OPCML: variants seen among roughly 807,000 people sequenced by gnomAD.
OPCML encodes the protein opioid-binding protein/cell adhesion molecule.
A neutral mutation model predicts 37.8 loss-of-function variants in OPCML; 13 were observed. The ratio of observed to expected loss-of-function variants is 0.34; its 90% CI spans 0.22 to 0.55. The LOEUF (loss-of-function observed/expected upper bound fraction) is 0.55, where lower values mean the gene tolerates loss of function less well. Ranked by LOEUF, OPCML falls within the 20% of genes least tolerant of loss-of-function variation. The probability of loss-of-function intolerance (pLI) is 0.91; values close to 1 mark genes in which losing one functional copy is unlikely to be tolerated. For missense variants in OPCML, 341 were observed against 435.6 expected, an observed-to-expected ratio of 0.78 and a Z score of 1.93; for synonymous variants, 176 against 168.8, an observed-to-expected ratio of 1.04 and a Z score of -0.33.
intron 1 of OPCML, among the ~76,000 whole-genome samples, chr11:133,291,733 C>A (rs1942480583): frequency 6.6e-6 from 1 of 152,242 alleles, no homozygotes; most frequent in Admixed American, 6.5e-5. Context: ...GCAGCCTGGG[C>A]ATCTGAGCAC....
At chr11:132,949,573 T>C (rs560826883) in intron 1 of OPCML, among the ~76,000 whole-genome samples, 2 of 152,332 alleles carry the variant, frequency 1.3e-5, no homozygotes, top group South Asian at 4.1e-4. Context: ...ATCTGCCTTA[T>C]AGTCTTTGAC....
intron 1 of OPCML, among the ~76,000 whole-genome samples, chr11:133,214,372 G>A (rs549344576): frequency 6.6e-6 from 1 of 152,220 alleles, no homozygotes; most frequent in South Asian, 2.1e-4. Context: ...TTATTTTAAT[G>A]TAGGTATAAT....
chr11:132,471,859 G>A (rs1273064650), intron 4 of OPCML, among the ~76,000 whole-genome samples: 2 of 152,136 alleles, frequency 1.3e-5, no homozygotes, highest in African/African-American at 4.8e-5. Context: ...CATTCAATGA[G>A]AACTCCAGCC....
chr11:132,525,731 G>A (rs969636939), intron 4 of OPCML: 3 of 152,202 alleles, frequency 2.0e-5, no homozygotes, highest in Non-Finnish European at 2.9e-5. Flanking sequence ...TAAGTTCTGG[G>A]ATACATGTGC....
intron 2 of OPCML, among the ~76,000 whole-genome samples, chr11:132,903,818 C>T (rs549391239): frequency 2.6e-5 from 4 of 152,142 alleles, no homozygotes; most frequent in Admixed American, 6.5e-5. Flanking sequence ...TACCTTCTCC[C>T]TCTGTTATTT....
chr11:132,476,402 G>C (rs1295409086), intron 4 of OPCML, among the ~76,000 whole-genome samples: 2 of 151,970 alleles, frequency 1.3e-5, no homozygotes, highest in African/African-American at 4.8e-5. Context: ...TATGTTTATT[G>C]CGGCACTATT....
intron 1 of OPCML, among the ~76,000 whole-genome samples, chr11:133,506,466 G>A (rs1364919899): frequency 1.3e-5 from 2 of 152,148 alleles, no homozygotes; most frequent in East Asian, 3.9e-4. Context: ...AAAGCTTCCA[G>A]CACAATATGT....
chr11:132,792,294 A>C (rs1937969510), intron 2 of OPCML, among the ~76,000 whole-genome samples: 1 of 151,562 alleles, frequency 6.6e-6, no homozygotes, highest in Non-Finnish European at 1.5e-5. Context: ...GCCAAAGAGA[A>C]AAAAAAAAGT....
At chr11:132,759,957 A>G (rs1285389933) in intron 2 of OPCML, among the ~76,000 whole-genome samples, 1 of 152,180 alleles carries the variant, frequency 6.6e-6, no homozygotes, top group East Asian at 1.9e-4. Flanking sequence ...TTCCCTCTAA[A>G]CACTGCTTTA....
At chr11:133,421,550 G>T in intron 1 of OPCML, 1 of 985,430 alleles carries the variant, frequency 1.0e-6, no homozygotes, top group Non-Finnish European at 1.2e-6. Flanking sequence ...GTAGAGTTGG[G>T]ATTGTTGATT....
At chr11:133,505,888 A>G (rs1209660778) in intron 1 of OPCML, among the ~76,000 whole-genome samples, 1 of 152,148 alleles carries the variant, frequency 6.6e-6, no homozygotes, top group South Asian at 2.1e-4. Context: ...CTTCCTCATC[A>G]GTCATAGGTT....
chr11:132,887,029 C>A (rs901469734), intron 2 of OPCML, among the ~76,000 whole-genome samples: 1 of 152,324 alleles, frequency 6.6e-6, no homozygotes, highest in East Asian at 1.9e-4. Context: ...AAATTAGGTA[C>A]AAGCCTCTGC....
At chr11:133,260,226 AGG>A (rs2136454512) in intron 1 of OPCML, among the ~76,000 whole-genome samples, 1 of 151,902 alleles carries the variant, frequency 6.6e-6, no homozygotes, top group South Asian at 2.1e-4. Context: ...CAGTGAGTGG[AGG>A]GAAGGAGGTG....
intron 2 of OPCML, among the ~76,000 whole-genome samples, chr11:132,862,061 T>G (rs1027393476): frequency 9.9e-5 from 15 of 152,258 alleles, no homozygotes; most frequent in Middle Eastern, 3.4e-3. Context: ...AGCCTTTAAA[T>G]TTAGAATGAT....
intron 2 of OPCML, among the ~76,000 whole-genome samples, chr11:132,770,172 C>T (rs1308735266): frequency 6.6e-6 from 1 of 152,124 alleles, no homozygotes; most frequent in Non-Finnish European, 1.5e-5. Flanking sequence ...ACTTGTTGAA[C>T]ACTTACTGGG....
chr11:133,439,094 G>C (rs2136933844), intron 1 of OPCML: 1 of 160,234 alleles, frequency 6.2e-6, no homozygotes, highest in South Asian at 2.0e-4. Flanking sequence ...TATGGAACCT[G>C]AGAAGAGTCG....
chr11:133,174,448 C>T lies in OPCML; in HGVS notation c.62-231438G>A, dbSNP rs184266734. ...TAGGAGAAGGAATGGTTTTCTCAGA[C>T]GAGTTAGAATAACATACCAACATTT... On this transcript the variant is annotated intron_variant, in intron 1 of 7. Coordinates refer to ENST00000524381, the MANE Select transcript of OPCML (RefSeq NM_001012393.5). This position sits in a 1 kb window ranked among gnomAD's most constrained non-coding sequence, Gnocchi z 4.6. 3.9e-5 allele frequency among the ~76,000 whole-genome samples: 6 copies of T among 152,086 alleles called. No homozygotes were observed. The highest frequency in any genetic ancestry group is 6.8e-3 in the Middle Eastern group (2 of 294).
At chr11:133,321,790 G>A (rs771743699) in intron 1 of OPCML, among the ~76,000 whole-genome samples, 1 of 152,056 alleles carries the variant, frequency 6.6e-6, no homozygotes, top group South Asian at 2.1e-4. Context: ...TTAGAAACTC[G>A]AGTTTGATTC....
At chr11:133,291,917 G>T (rs140601195) in intron 1 of OPCML, among the ~76,000 whole-genome samples, 3 of 152,244 alleles carry the variant, frequency 2.0e-5, no homozygotes, top group African/African-American at 4.8e-5. Context: ...AAGCCAGCTC[G>T]CTCTGGATGT....
Sources: gnomAD v4.1 joint callset for allele counts (sites outside exome capture counted in the v4.1 genomes callset) on GRCh38, gnomAD v4.1.1 for gene constraint, Gnocchi (gnomAD v3.1) non-coding constraint, MANE v1.5 for transcripts, NCBI Gene and HGNC (gene_info 2026-07-23, HGNC 2026-07-21) for gene names.